The following TMEM181 variants were observed in gnomAD, a reference collection of about 807,000 sequenced individuals.
TMEM181 encodes G protein-coupled receptor 178.
Under a neutral mutation model 71.9 loss-of-function variants are expected in TMEM181, and 39 were observed. That is an observed-to-expected ratio of 0.54 (90% CI 0.42 to 0.71). The LOEUF (loss-of-function observed/expected upper bound fraction) is 0.71, where lower values mean the gene tolerates loss of function less well. TMEM181 is among the 30% of genes least tolerant of loss of function. The pLI is 0.00. For synonymous variants in TMEM181, 245 were observed against 228.8 expected, an observed-to-expected ratio of 1.07 and a Z score of -0.64; for missense variants, 595 against 583.0, an observed-to-expected ratio of 1.02 and a Z score of -0.21.
In TMEM181 at chr6:158,607,255, G is replaced by A. The variant is rs771512658; in HGVS notation, c.585G>A (p.Ala195=). The A allele has an allele frequency of 2.5e-6, 4 of 1,614,144 alleles. No individual in the cohort carries two copies. The highest frequency in any genetic ancestry group is 3.4e-6 in the Non-Finnish European group (4 of 1,180,010). ...VLTFIVTCLF[A]HSLRKFSMRD... is the part of the protein sequence containing the mutation. ...GATTTGGTTTGCAGTGCCTGTTTGC[G>A]CATTCCCTCCGGAAATTTTCCATGA... Residue 195 remains alanine, a synonymous_variant, in exon 8 of 17, where the codon GCG becomes GCA. Coordinates refer to ENST00000684151, the MANE Select transcript of TMEM181 (RefSeq NM_001376852.1).
Position 158,620,722 on chromosome 6 carries a change from A to G in TMEM181, c.897-2828A>G, listed in dbSNP as rs1462820529. On this transcript the variant is annotated intron_variant, in intron 10 of 16. Coordinates refer to ENST00000684151, the MANE Select transcript of TMEM181 (RefSeq NM_001376852.1). This position sits in a 1 kb window ranked among gnomAD's most constrained non-coding sequence, Gnocchi z 4.5. ...GAAAAGATGGGGTGCATGGCCAGAG[A>G]CTCTCAGGATCCAGGAGTTAACTCA... 6.6e-6 allele frequency among the ~76,000 whole-genome samples: 1 copy of G among 151,904 alleles called. No individual in the cohort carries two copies. Among genetic ancestry groups the G allele is most frequent in the Non-Finnish European group, 1.5e-5 (1 of 67,956 alleles).
intron 5 of TMEM181, 113 bp downstream of exon 5, chr6:158,585,538 C>T: frequency 7.9e-7 from 1 of 1,269,276 alleles, no homozygotes; most frequent in South Asian, 2.8e-5. Flanking sequence ...AGAAATTGTT[C>T]TTAAGTGAAA....
intron 14 of TMEM181, among the ~76,000 whole-genome samples, 172 bp from the exon 15 acceptor site, chr6:158,629,558 C>G (rs1331349183): frequency 4.6e-5 from 7 of 151,030 alleles, no homozygotes; most frequent in Non-Finnish European, 8.8e-5. Context: ...CTTGTGACCC[C>G]TGGCTGTGGG....
intron 6 of TMEM181, among the ~76,000 whole-genome samples, chr6:158,598,324 C>G (rs1784494577): frequency 6.6e-6 from 1 of 152,230 alleles, no homozygotes; most frequent in South Asian, 2.1e-4. Flanking sequence ...GATTGACACT[C>G]TGTGGCCAGC....
At position 158,545,268 on chromosome 6, in the gene TMEM181, C is replaced by T. The variant is rs528565003; in HGVS notation, c.131+8403C>T. On this transcript the variant is annotated intron_variant, in intron 1 of 16. Transcript: ENST00000367090. ...ATCAGGACAAAGCCCCATTGTTCTG[C>T]ATGTTCAAGGCCCTAGCAGAGGATT... Among the ~76,000 whole-genome samples, 20 of 152,394 alleles carry T rather than the reference C, an allele frequency of 1.3e-4. 1 individual carries two copies. The South Asian group carries it at 3.5e-3, about 27-fold the overall frequency.
chr6:158,604,196 C>T (rs533005056), intron 6 of TMEM181, among the ~76,000 whole-genome samples: 7 of 152,200 alleles, frequency 4.6e-5, no homozygotes, highest in Non-Finnish European at 8.8e-5. Flanking sequence ...GACTCCCAGC[C>T]GTGGCTCTGC....
At chr6:158,590,835 AGAAACC>A (rs1784071109) in intron 6 of TMEM181, among the ~76,000 whole-genome samples, 1 of 152,228 alleles carries the variant, frequency 6.6e-6, no homozygotes, top group Non-Finnish European at 1.5e-5. Context: ...TGCCCCTTAA[AGAAACC>A]TGTTAGTGAT....
chr6:158,608,494 A>T, intron 9 of TMEM181, 31 bp downstream of exon 9: 2 of 1,613,874 alleles, frequency 1.2e-6, no homozygotes, highest in African/African-American at 2.7e-5. Flanking sequence ...CTGCCGGGGG[A>T]GGTTCCAGAC....
chr6:158,591,171 CT>C (rs1313340061), intron 6 of TMEM181, among the ~76,000 whole-genome samples: 1 of 152,160 alleles, frequency 6.6e-6, no homozygotes, highest in Non-Finnish European at 1.5e-5. Flanking sequence ...GTTTTTTTCT[CT>C]GTCTACCCTA....
chr6:158,624,909 CAG>C lies in TMEM181; in HGVS notation c.955-194_955-193del, dbSNP rs140763369. 1.2e-3 allele frequency among the ~76,000 whole-genome samples: 183 copies of C among 152,342 alleles called. 1 individual carries two copies. The highest frequency in any genetic ancestry group is 4.2e-3 in the African/African-American group (174 of 41,576). On this transcript the variant is annotated intron_variant, in intron 11 of 16. Coordinates refer to ENST00000684151, the MANE Select transcript of TMEM181 (RefSeq NM_001376852.1). ...GCAAGGCCTGGGGTGTCGTCCACCT[CAG>C]GGGAGCTGCCTGTGCTCGCAGCGGG...
intron 7 of TMEM181, among the ~76,000 whole-genome samples, chr6:158,606,244 C>T (rs112185271): frequency 7.0e-6 from 1 of 142,568 alleles, no homozygotes; most frequent in African/African-American, 2.6e-5. Context: ...AGGGCGTGGG[C>T]GCTAGAGCCA....
chr6:158,626,870 ACT>A (rs71030181), intron 13 of TMEM181, among the ~76,000 whole-genome samples: 18,970 of 143,204 alleles, frequency 0.13, 1,304 homozygotes, highest in Non-Finnish European at 0.15. Flanking sequence ...TCACACCCTC[ACT>A]CTCACACTCT....
intron 1 of TMEM181, among the ~76,000 whole-genome samples, chr6:158,544,509 CG>C (rs1562612061): frequency 1.3e-5 from 2 of 152,082 alleles, no homozygotes; most frequent in African/African-American, 4.8e-5. Context: ...GGTCACGTAG[CG>C]GGCAGAAGGC....
chr6:158,618,988 G>C (rs1331147823), intron 10 of TMEM181, among the ~76,000 whole-genome samples: 1 of 152,268 alleles, frequency 6.6e-6, no homozygotes, highest in South Asian at 2.1e-4. Context: ...TCTTCTCAAG[G>C]AGTATCTTTG....
At chr6:158,623,772 T>G (rs1204269097) in intron 11 of TMEM181, among the ~76,000 whole-genome samples, 165 bp downstream of exon 11, 1 of 152,042 alleles carries the variant, frequency 6.6e-6, no homozygotes, top group Non-Finnish European at 1.5e-5. Context: ...ATTTTTTTTT[T>G]TTTTTTGAGT....
At position 158,584,765 on chromosome 6, in the gene TMEM181, A is replaced by G. The variant is rs1415668103; in HGVS notation, c.260-539A>G. On this transcript the variant is annotated intron_variant, in intron 4 of 16. Transcript: ENST00000684151. Reference sequence around the variant, plus strand: ...GAAAAAATTATCCCCTCTTTGTAACATTTTAGAAAGCAAAAAATTCATATT... The same window carrying G: ...GAAAAAATTATCCCCTCTTTGTAACGTTTTAGAAAGCAAAAAATTCATATT... Among the ~76,000 whole-genome samples, 3 of 152,226 alleles carry G rather than the reference A, an allele frequency of 2.0e-5. No individual in the cohort carries two copies. In the East Asian group the frequency reaches 5.8e-4, roughly 29 times the overall value.
intron 2 of TMEM181, among the ~76,000 whole-genome samples, chr6:158,579,210 G>A (rs1347492891): frequency 6.7e-6 from 1 of 150,220 alleles, no homozygotes; most frequent in Admixed American, 6.7e-5. Context: ...AGTGAGCCGA[G>A]ATCACGCTAT....
chr6:158,560,232 C>G lies in TMEM181; in HGVS notation c.8C>G (p.Pro3Arg). The change falls in exon 1 of 17, where the codon CCG (proline) becomes CGG (arginine). Residue 3 changes from proline (P) to arginine (R), a missense_variant and splice_region_variant. By Grantham distance (103) the Pro-to-Arg change is moderately radical. Coordinates refer to ENST00000684151, the MANE Select transcript of TMEM181 (RefSeq NM_001376852.1). Reference protein sequence around the residue: MEPLAPMRLYTLS... With the variant: MERLAPMRLYTLS... ...AGGGCTCTGGGCGCCGAGATGGAGC[C>G]GTGAGTCCCCGGCCGAGCGGGCGGG... 1.0e-6 allele frequency: 1 copy of G among 984,932 alleles called. No individual in the cohort carries two copies. Among genetic ancestry groups the G allele is most frequent in the Non-Finnish European group, 1.2e-6 (1 of 829,776 alleles). The allele number at this position is 984,932 out of a possible 1,614,324, so 61.0% of individuals were successfully genotyped here. A position where few individuals can be genotyped will look rare whatever the true frequency, so the allele number is the denominator to read the frequency against.
At chr6:158,592,231 T>C (rs1784149202) in intron 6 of TMEM181, among the ~76,000 whole-genome samples, 1 of 152,248 alleles carries the variant, frequency 6.6e-6, no homozygotes, top group Non-Finnish European at 1.5e-5. Context: ...AGAACAGCAG[T>C]ACAGCACCTT....
Sources: gnomAD v4.1 joint callset for allele counts (sites outside exome capture counted in the v4.1 genomes callset) on GRCh38, gnomAD v4.1.1 for gene constraint, Gnocchi (gnomAD v3.1) non-coding constraint, MANE v1.5 for transcripts, NCBI Gene and HGNC (gene_info 2026-07-23, HGNC 2026-07-21) for gene names.